The following IQGAP2 variants were observed in gnomAD, a reference collection of about 807,000 sequenced individuals.
IQGAP2 encodes ras GTPase-activating-like protein IQGAP2.
A neutral mutation model predicts 201.3 loss-of-function variants in IQGAP2; 173 were observed. The observed-to-expected ratio is 0.86, with a 90% CI of 0.76 to 0.98. The LOEUF is 0.98. Among genes scored for constraint, IQGAP2 ranks in the 50% least tolerant of loss-of-function variants. The probability of loss-of-function intolerance (pLI) is 0.00; values close to 1 mark genes in which losing one functional copy is unlikely to be tolerated. For synonymous variants in IQGAP2, 675 were observed against 673.9 expected (o/e 1.00, Z -0.03); for missense variants, 1,687 against 1,864.8 (o/e 0.90, Z 1.76).
intron 30 of IQGAP2, 75 bp from the exon 31 acceptor site, chr5:76,693,280 C>T (rs1746435869): frequency 1.1e-6 from 1 of 914,398 alleles, no homozygotes; most frequent in Non-Finnish European, 1.7e-6. Flanking sequence ...TGTTTGTGCA[C>T]TCTCTTAGGA....
Position 76,617,377 on chromosome 5 carries a change from T to C in IQGAP2, c.1521+6194T>C, listed in dbSNP as rs1407330875. On this transcript the variant is annotated intron_variant, in intron 13 of 35. Coordinates refer to ENST00000274364, the MANE Select transcript of IQGAP2 (RefSeq NM_006633.5). Reference sequence around the variant, plus strand: ...AGGCAGAGGTTGCAATGAGCCAAGATAGTGCCACTGCACGCCAGTCTGGGT... The same window carrying C: ...AGGCAGAGGTTGCAATGAGCCAAGACAGTGCCACTGCACGCCAGTCTGGGT... 5.9e-6 allele frequency: 3 copies of C among 511,986 alleles called. No individual in the cohort carries two copies. The East Asian group carries it at 9.7e-5, about 17-fold the overall frequency. The allele number at this position is 511,986 out of a possible 1,614,324, so 31.7% of individuals were successfully genotyped here. A position where few individuals can be genotyped will look rare whatever the true frequency, so the allele number is the denominator to read the frequency against.
intron 34 of IQGAP2, 136 bp downstream of exon 34, chr5:76,701,349 A>T: frequency 1.3e-6 from 1 of 799,306 alleles, no homozygotes; most frequent in Non-Finnish European, 2.1e-6. Context: ...ACAAATTGTT[A>T]TGGCTACTCT....
chr5:76,498,548 A>AC (rs1292546270), intron 2 of IQGAP2, among the ~76,000 whole-genome samples: 1 of 152,112 alleles, frequency 6.6e-6, no homozygotes, highest in Non-Finnish European at 1.5e-5. Flanking sequence ...CAGCATTGTG[A>AC]CCTTGGGCTG....
At chr5:76,448,380 A>G (rs867566366) in intron 1 of IQGAP2, among the ~76,000 whole-genome samples, 1 of 152,148 alleles carries the variant, frequency 6.6e-6, no homozygotes, top group Non-Finnish European at 1.5e-5. Context: ...AGGTCTCTAC[A>G]TGCTGGAATT....
intron 33 of IQGAP2, among the ~76,000 whole-genome samples, chr5:76,700,508 A>G (rs897135432): frequency 9.0e-6 from 1 of 111,564 alleles, no homozygotes; most frequent in African/African-American, 2.8e-5. Context: ...TCTCAAAACA[A>G]AACAAAAAAC....
intron 1 of IQGAP2, among the ~76,000 whole-genome samples, chr5:76,444,335 G>A (rs371728010): frequency 4.0e-4 from 61 of 152,220 alleles, no homozygotes; most frequent in African/African-American, 1.3e-3. Context: ...TTTCACTCTC[G>A]TCACCCAGGC....
chr5:76,666,535 T>C (rs1743769696), intron 22 of IQGAP2, among the ~76,000 whole-genome samples: 1 of 152,236 alleles, frequency 6.6e-6, no homozygotes, highest in Non-Finnish European at 1.5e-5. Context: ...GGAGCATGTT[T>C]AGAATAATTC....
At chr5:76,536,439 G>A (rs1408894111) in intron 2 of IQGAP2, among the ~76,000 whole-genome samples, 3 of 151,938 alleles carry the variant, frequency 2.0e-5, no homozygotes, top group Non-Finnish European at 4.4e-5. Flanking sequence ...GTTAAATTGT[G>A]TGCTGCTTTC....
intron 1 of IQGAP2, among the ~76,000 whole-genome samples, chr5:76,450,587 G>A (rs1753679026): frequency 1.3e-5 from 2 of 152,278 alleles, no homozygotes; most frequent in South Asian, 4.1e-4. Context: ...GAGAATTTAT[G>A]TGGTAGCACT....
intron 5 of IQGAP2, among the ~76,000 whole-genome samples, chr5:76,580,721 C>A (rs1580509607): frequency 2.6e-5 from 4 of 152,318 alleles, no homozygotes; most frequent in Admixed American, 2.6e-4. Flanking sequence ...TTCTGGCCCA[C>A]TTCCTTGTCC....
chr5:76,617,966 A>G (rs375721913), intron 13 of IQGAP2: 22 of 1,614,070 alleles, frequency 1.4e-5, no homozygotes, highest in Non-Finnish European at 1.9e-5. Flanking sequence ...TGTTGTGAAC[A>G]TCATGGCAGG....
At chr5:76,654,483 T>C (rs1158885017) in intron 19 of IQGAP2, among the ~76,000 whole-genome samples, 2 of 152,156 alleles carry the variant, frequency 1.3e-5, no homozygotes, top group South Asian at 2.1e-4. Flanking sequence ...CAGGACTCGA[T>C]AGAAAATGGG....
intron 1 of IQGAP2, among the ~76,000 whole-genome samples, chr5:76,459,914 C>G (rs893977197): frequency 6.6e-6 from 1 of 152,124 alleles, no homozygotes; most frequent in Non-Finnish European, 1.5e-5. Flanking sequence ...GCTGGGATTA[C>G]AGGCGTGAGC....
At chr5:76,680,790 CATTT>C (rs1321436440) in intron 28 of IQGAP2, among the ~76,000 whole-genome samples, 2 of 125,438 alleles carry the variant, frequency 1.6e-5, no homozygotes, top group East Asian at 5.0e-4. Context: ...GACCTTGTCT[CATTT>C]AAAAAAAAAA....
chr5:76,478,789 G>A (rs59205567), intron 2 of IQGAP2, among the ~76,000 whole-genome samples: 1,843 of 152,214 alleles, frequency 0.012, 33 homozygotes, highest in African/African-American at 0.042. Context: ...TGATGTTTGC[G>A]CAATGACGGA....
chr5:76,693,504 A>T, intron 31 of IQGAP2, 62 bp downstream of exon 31: 1 of 1,077,784 alleles, frequency 9.3e-7, no homozygotes, highest in Non-Finnish European at 1.4e-6. Context: ...ATAAATCTTT[A>T]TGCCATATGT....
chr5:76,547,372 AT>A, intron 2 of IQGAP2: 3 of 836,810 alleles, frequency 3.6e-6, no homozygotes, highest in Non-Finnish European at 4.3e-6. Context: ...AATGTCCATT[AT>A]TTAACAATTC....
At chr5:76,696,231 C>T (rs191566656) in intron 32 of IQGAP2, among the ~76,000 whole-genome samples, 32 of 152,276 alleles carry the variant, frequency 2.1e-4, no homozygotes, top group Admixed American at 1.6e-3. Context: ...AAAAATAACA[C>T]TATTGGAAGA....
intron 13 of IQGAP2, among the ~76,000 whole-genome samples, chr5:76,613,842 C>G (rs1242951565): frequency 6.6e-6 from 1 of 152,096 alleles, no homozygotes; most frequent in African/African-American, 2.4e-5. Flanking sequence ...CTACAGGCAC[C>G]TGCCATCAAG....
Sources: gnomAD v4.1 joint callset for allele counts (sites outside exome capture counted in the v4.1 genomes callset) on GRCh38, gnomAD v4.1.1 for gene constraint, MANE v1.5 for transcripts, NCBI Gene and HGNC (gene_info 2026-07-23, HGNC 2026-07-21) for gene names.